PSMD12: variants seen among roughly 807,000 people sequenced by gnomAD.
PSMD12 encodes proteasome 26S subunit, non-ATPase 12.
Under a neutral mutation model 62.9 loss-of-function variants are expected in PSMD12, and 8 were observed. That is an observed-to-expected ratio of 0.13 (90% confidence interval 0.07 to 0.23). The LOEUF is 0.23. Among genes scored for constraint, PSMD12 ranks in the 10% least tolerant of loss-of-function variants. The probability of loss-of-function intolerance (pLI) is 1.00; values close to 1 mark genes in which losing one functional copy is unlikely to be tolerated. For synonymous variants in PSMD12, 173 were observed against 187.4 expected (o/e 0.92, Z 0.63); for missense variants, 424 against 550.2 (o/e 0.77, Z 2.29).
rs866191583 is a variant in PSMD12, at chr17:67,356,601, T to C, written c.297+702A>G. ...AAAAAAAAAAAGAAAATGAAATATTTAGTTACTACTAAAAAAAAATTTTGA... is the reference window on the plus strand; with the variant it reads ...AAAAAAAAAAAGAAAATGAAATATTCAGTTACTACTAAAAAAAAATTTTGA... On this transcript the variant is annotated intron_variant, in intron 3 of 10. Transcript: ENST00000356126. Among the ~76,000 whole-genome samples, 5 of 143,788 alleles carry C rather than the reference T, an allele frequency of 3.5e-5. No homozygotes were observed. In the South Asian group the frequency reaches 9.0e-4, roughly 26 times the overall value. 94.3% of individuals were successfully genotyped at this position (143,788 alleles called of 152,430 possible).
chr17:67,358,080 C>T (rs189039281), intron 1 of PSMD12, among the ~76,000 whole-genome samples: 1 of 152,086 alleles, frequency 6.6e-6, no homozygotes. Flanking sequence ...CCCCACCACA[C>T]CCGGCTAATT....
At chr17:67,346,190 C>A in intron 7 of PSMD12, among the ~76,000 whole-genome samples, 1 of 151,876 alleles carries the variant, frequency 6.6e-6, no homozygotes, top group East Asian at 1.9e-4. Flanking sequence ...GTCAGGAGAT[C>A]GAGACCATCC....
At chr17:67,363,054 A>C (rs1011095372) in intron 1 of PSMD12, among the ~76,000 whole-genome samples, 16 of 152,250 alleles carry the variant, frequency 1.1e-4, no homozygotes, top group African/African-American at 3.9e-4. Flanking sequence ...AAGGATCTAC[A>C]TTTGGCAATT....
intron 1 of PSMD12, among the ~76,000 whole-genome samples, chr17:67,365,306 T>A (rs2042169091): frequency 6.6e-6 from 1 of 152,186 alleles, no homozygotes; most frequent in Admixed American, 6.6e-5. Flanking sequence ...GCTTCTTGGC[T>A]TCACCACTTT....
chr17:67,346,964 G>C (rs1305486033), intron 7 of PSMD12, 152 bp downstream of exon 7: 1 of 741,410 alleles, frequency 1.3e-6, no homozygotes, highest in Non-Finnish European at 2.0e-6. Context: ...GGCTGCAATT[G>C]GACTGAATCA....
At chr17:67,342,738 A>G (rs2041926566) in intron 9 of PSMD12, among the ~76,000 whole-genome samples, 1 of 152,086 alleles carries the variant, frequency 6.6e-6, no homozygotes, top group African/African-American at 2.4e-5. Context: ...GGAGACCAAG[A>G]CCAGCCTGGG....
intron 1 of PSMD12, among the ~76,000 whole-genome samples, chr17:67,359,420 C>A (rs943361488): frequency 1.3e-5 from 2 of 152,080 alleles, no homozygotes; most frequent in Non-Finnish European, 2.9e-5. Context: ...ATGTAAATAT[C>A]TCTGACAATA....
intron 10 of PSMD12, 86 bp downstream of exon 10, chr17:67,342,100 C>G: frequency 2.9e-6 from 3 of 1,032,094 alleles, no homozygotes; most frequent in Non-Finnish European, 4.4e-6. Flanking sequence ...AAAATTAAAT[C>G]ATAACATTGA....
At chr17:67,354,397 CTG>C (rs1277164167) in intron 3 of PSMD12, among the ~76,000 whole-genome samples, 1 of 148,654 alleles carries the variant, frequency 6.7e-6, no homozygotes, top group Non-Finnish European at 1.5e-5. Flanking sequence ...GCGACAGAGA[CTG>C]TTTCAAAAAA....
chr17:67,344,803 T>C, intron 8 of PSMD12, 23 bp from the exon 9 acceptor site: 1 of 1,509,968 alleles, frequency 6.6e-7, no homozygotes, highest in Non-Finnish European at 8.9e-7. Context: ...TACATCTTAA[T>C]ATTCCAAATC....
chr17:67,345,540 G>A (rs1157347182), intron 8 of PSMD12: 14 of 502,132 alleles, frequency 2.8e-5, no homozygotes, highest in African/African-American at 2.7e-4. Context: ...TACTCGGAAG[G>A]TTGAGGCAGA....
intron 3 of PSMD12, among the ~76,000 whole-genome samples, chr17:67,354,493 G>A (rs1286136177): frequency 5.9e-5 from 9 of 151,858 alleles, no homozygotes; most frequent in African/African-American, 2.2e-4. Flanking sequence ...TAAAGTTTAA[G>A]ATGTGTGCTT....
chr17:67,361,915 G>GAAAAAA (rs2042133476), intron 1 of PSMD12, among the ~76,000 whole-genome samples: 1 of 126,648 alleles, frequency 7.9e-6, no homozygotes, highest in African/African-American at 2.9e-5. Context: ...AAAAAGGAAG[G>GAAAAAA]AAGGAAGGGA....
Position 67,357,577 on chromosome 17 carries a change from T to C in PSMD12, c.110A>G (p.Glu37Gly), listed in dbSNP as rs139804019. The C allele has an allele frequency of 1.7e-4, 274 of 1,611,720 alleles. 1 individual carries two copies. In the East Asian group the frequency reaches 6.0e-3, roughly 36 times the overall value. ...TTCAATGACTTCTTGAAGTCTTCCT[T>C]CCTAAAACAAAAGATGAAAATGAAC... ...RLPECAKLAK[E>G]GRLQEVIETL... Residue 37 changes from glutamate to glycine, a missense_variant and splice_region_variant, in exon 2 of 11, where the codon GAA becomes GGA. Coordinates refer to ENST00000356126, the MANE Select transcript of PSMD12 (RefSeq NM_002816.5).
intron 10 of PSMD12, among the ~76,000 whole-genome samples, chr17:67,341,266 C>G (rs1232636231): frequency 6.6e-6 from 1 of 151,744 alleles, no homozygotes; most frequent in East Asian, 1.9e-4. Context: ...GTCAGGAGTT[C>G]AAGACCAGCC....
Position 67,338,310 on chromosome 17 carries a change from T to TA in PSMD12, c.*2532dup, listed in dbSNP as rs1485833061. 1 of 152,238 alleles carries TA rather than the reference T, an allele frequency of 6.6e-6. No individual in the cohort carries two copies. The highest frequency in any genetic ancestry group is 1.5e-5 in the Non-Finnish European group (1 of 68,042). The allele number at this position is 152,238 out of a possible 1,614,324, so 9.4% of individuals were successfully genotyped here. A position where few individuals can be genotyped will look rare whatever the true frequency, so the allele number is the denominator to read the frequency against. On this transcript the variant is annotated 3_prime_UTR_variant, in exon 11 of 11. Transcript: ENST00000356126. ...GATTGCCAGCTTTAGGTCTGAAATG[T>TA]AAAACAGGATTAATTGAGGTTCCGA...
At chr17:67,352,080 C>CAAAAA (rs566803266) in intron 3 of PSMD12, among the ~76,000 whole-genome samples, 1 of 107,724 alleles carries the variant, frequency 9.3e-6, no homozygotes, top group East Asian at 2.6e-4. Flanking sequence ...GAATCTCTCT[C>CAAAAA]AAAAAAAAAA....
intron 1 of PSMD12, among the ~76,000 whole-genome samples, chr17:67,360,633 T>C (rs563871672): frequency 6.6e-6 from 1 of 152,322 alleles, no homozygotes; most frequent in Admixed American, 6.5e-5. Flanking sequence ...CTGCAGACAC[T>C]ATGGTCCATC....
At position 67,362,241 on chromosome 17, in the gene PSMD12, G is replaced by A. The variant is rs574463963; in HGVS notation, c.108+4171C>T. On this transcript the variant is annotated intron_variant, in intron 1 of 10. Coordinates refer to ENST00000356126, the MANE Select transcript of PSMD12 (RefSeq NM_002816.5). The stretch of plus-strand genomic sequence containing the variant: ...TACCATATCTTTACAGTGCAGAAAA[G>A]GCCCTCCTTAATTTTTAACTCCTGA... Among the ~76,000 whole-genome samples the A allele has an allele frequency of 2.0e-5, 3 of 152,254 alleles. No homozygotes were observed. The South Asian group carries it at 6.2e-4, about 32-fold the overall frequency.
Sources: gnomAD v4.1 joint callset for allele counts (sites outside exome capture counted in the v4.1 genomes callset) on GRCh38, gnomAD v4.1.1 for gene constraint, MANE v1.5 for transcripts, NCBI Gene and HGNC (gene_info 2026-07-23, HGNC 2026-07-21) for gene names.